MYO1E: variants seen among roughly 807,000 people sequenced by gnomAD.
MYO1E encodes the protein unconventional myosin-Ie.
Under a neutral mutation model 151.1 loss-of-function variants are expected in MYO1E, and 68 were observed. The ratio of observed to expected loss-of-function variants is 0.45; its 90% CI spans 0.37 to 0.55. The LOEUF is 0.55. Ranked by LOEUF, MYO1E falls within the 20% of genes least tolerant of loss-of-function variation. The probability of loss-of-function intolerance (pLI) is 0.00; values close to 1 mark genes in which losing one functional copy is unlikely to be tolerated. For missense variants in MYO1E, 1,363 were observed against 1,389.3 expected, an observed-to-expected ratio of 0.98 and a Z score of 0.30; for synonymous variants, 601 against 501.7, an observed-to-expected ratio of 1.20 and a Z score of -2.64.
intron 6 of MYO1E, among the ~76,000 whole-genome samples, chr15:59,229,924 A>T (rs1490103723): frequency 2.0e-5 from 3 of 152,172 alleles, no homozygotes; most frequent in Admixed American, 6.5e-5. Context: ...CTGTTTTTTT[A>T]ATTTAACAAT....
intron 1 of MYO1E, among the ~76,000 whole-genome samples, chr15:59,325,103 C>G (rs1425448336): frequency 6.6e-6 from 1 of 151,910 alleles, no homozygotes; most frequent in Non-Finnish European, 1.5e-5. Context: ...GGCACAATCT[C>G]AGCTCACTGC....
intron 1 of MYO1E, among the ~76,000 whole-genome samples, chr15:59,327,281 C>T (rs2080670818): frequency 1.3e-5 from 2 of 151,880 alleles, no homozygotes; most frequent in Admixed American, 6.6e-5. Context: ...TGCCTGCTTA[C>T]ATCTCCATAT....
chr15:59,182,674 T>A (rs1337620378), intron 18 of MYO1E, among the ~76,000 whole-genome samples: 1 of 152,060 alleles, frequency 6.6e-6, no homozygotes, highest in Admixed American at 6.5e-5. Context: ...TTCCTCAACA[T>A]AAAAGGAATA....
chr15:59,161,792 A>T (rs1217445368), intron 23 of MYO1E, among the ~76,000 whole-genome samples: 1 of 151,656 alleles, frequency 6.6e-6, no homozygotes, highest in African/African-American at 2.4e-5. Flanking sequence ...CAATTCCCAA[A>T]CTCCCCATCC....
intron 15 of MYO1E, among the ~76,000 whole-genome samples, chr15:59,204,166 A>C (rs766555854): frequency 6.6e-6 from 1 of 152,200 alleles, no homozygotes; most frequent in Non-Finnish European, 1.5e-5. Context: ...TAAACATCTC[A>C]GAGAAGAACA....
intron 1 of MYO1E, among the ~76,000 whole-genome samples, chr15:59,306,271 A>G (rs1183495452): frequency 6.6e-6 from 1 of 152,212 alleles, no homozygotes; most frequent in Non-Finnish European, 1.5e-5. Flanking sequence ...ACCTGATTGT[A>G]TATTTCTGTG....
At chr15:59,227,690 T>C in intron 6 of MYO1E, 100 bp from the exon 7 acceptor site, 1 of 1,450,002 alleles carries the variant, frequency 6.9e-7, no homozygotes, top group Non-Finnish European at 9.7e-7. Flanking sequence ...AATTCATTAA[T>C]AAAATACACA....
At chr15:59,239,164 C>A (rs555835049) in intron 4 of MYO1E, among the ~76,000 whole-genome samples, 4 of 150,944 alleles carry the variant, frequency 2.6e-5, no homozygotes, top group Admixed American at 1.3e-4. Flanking sequence ...CAAGATTGTG[C>A]CACTGCACTC....
intron 16 of MYO1E, among the ~76,000 whole-genome samples, chr15:59,199,388 T>G (rs923158372): frequency 6.6e-6 from 1 of 152,142 alleles, no homozygotes; most frequent in African/African-American, 2.4e-5. Flanking sequence ...CGGCCTGCAT[T>G]ATACTTTATA....
chr15:59,172,670 G>A (rs1596351163), intron 21 of MYO1E, among the ~76,000 whole-genome samples: 1 of 152,336 alleles, frequency 6.6e-6, no homozygotes, highest in African/African-American at 2.4e-5. Flanking sequence ...ACTTAGCAAG[G>A]ATGCACTACA....
intron 1 of MYO1E, among the ~76,000 whole-genome samples, chr15:59,315,113 CA>C (rs1378300789): frequency 2.0e-5 from 3 of 152,166 alleles, no homozygotes; most frequent in African/African-American, 4.8e-5. Flanking sequence ...AGAGGAGACC[CA>C]AAGTCTCCTT....
chr15:59,156,672 T>C (rs766354871), intron 25 of MYO1E, among the ~76,000 whole-genome samples: 2 of 152,238 alleles, frequency 1.3e-5, no homozygotes, highest in African/African-American at 2.4e-5. Context: ...TTGGTACAAA[T>C]AGAATTCTCT....
intron 17 of MYO1E, among the ~76,000 whole-genome samples, chr15:59,191,133 A>T (rs1171393025): frequency 6.6e-6 from 1 of 152,084 alleles, no homozygotes; most frequent in East Asian, 1.9e-4. Context: ...GATTCCTCTA[A>T]GATTATTAAC....
At chr15:59,238,482 A>C (rs1487208011) in intron 4 of MYO1E, among the ~76,000 whole-genome samples, 1 of 152,276 alleles carries the variant, frequency 6.6e-6, no homozygotes, top group Non-Finnish European at 1.5e-5. Context: ...TACTATATTT[A>C]TAACAAGTTT....
chr15:59,311,463 C>G (rs1288496964), intron 1 of MYO1E, among the ~76,000 whole-genome samples: 1 of 152,144 alleles, frequency 6.6e-6, no homozygotes, highest in Non-Finnish European at 1.5e-5. Flanking sequence ...CAGTTCCTAA[C>G]AGGCCACGGA....
At chr15:59,267,328 T>TA (rs112885519) in intron 2 of MYO1E, among the ~76,000 whole-genome samples, 3,806 of 152,288 alleles carry the variant, frequency 0.025, 144 homozygotes, top group African/African-American at 0.082. Context: ...CCCAGCCGGT[T>TA]AAAATCTATT....
chr15:59,265,516 A>T (rs2080247977), intron 2 of MYO1E, among the ~76,000 whole-genome samples: 1 of 152,184 alleles, frequency 6.6e-6, no homozygotes, highest in Non-Finnish European at 1.5e-5. Flanking sequence ...AAACAAAAAC[A>T]AAAATTTATT....
At chr15:59,206,086 C>G in intron 14 of MYO1E, among the ~76,000 whole-genome samples, 1 of 152,176 alleles carries the variant, frequency 6.6e-6, no homozygotes, top group East Asian at 1.9e-4. Context: ...CTCAACTTAA[C>G]TTTTTTATCA....
chr15:59,236,548 T>A, intron 5 of MYO1E, 37 bp downstream of exon 5: 1 of 1,535,420 alleles, frequency 6.5e-7, no homozygotes. Context: ...ACATTTCCCA[T>A]AACATAAGGT....
Sources: allele counts gnomAD v4.1 joint callset (sites outside exome capture counted in the v4.1 genomes callset), GRCh38; gene constraint gnomAD v4.1.1; transcripts MANE v1.5; gene names NCBI Gene and HGNC (gene_info 2026-07-23, HGNC 2026-07-21).